Variants in GABRG3 observed in about 807,000 individuals in gnomAD.
The protein encoded by GABRG3 is gamma-aminobutyric acid receptor subunit gamma-3.
GABRG3 carries 25 observed loss-of-function variants against 48.8 expected under a neutral mutation model. That is an observed-to-expected ratio of 0.51 (90% CI 0.37 to 0.72). GABRG3 has a LOEUF of 0.72. Among genes scored for constraint, GABRG3 ranks in the 30% least tolerant of loss-of-function variants. The pLI is 0.00. For missense variants in GABRG3, 394 were observed against 577.9 expected, an observed-to-expected ratio of 0.68 and a Z score of 3.26; for synonymous variants, 227 against 217.6, an observed-to-expected ratio of 1.04 and a Z score of -0.38.
chr15:27,007,589 G>T (rs1895610436), intron 2 of GABRG3, among the ~76,000 whole-genome samples: 1 of 151,952 alleles, frequency 6.6e-6, no homozygotes, highest in East Asian at 1.9e-4. Flanking sequence ...TTATTTTTTG[G>T]CTTCCTAATA....
chr15:27,210,691 G>C (rs1432797646), intron 3 of GABRG3, among the ~76,000 whole-genome samples: 1 of 152,192 alleles, frequency 6.6e-6, no homozygotes, highest in East Asian at 1.9e-4. Flanking sequence ...TGCCATTTTG[G>C]AAGTCAAGTG....
intron 5 of GABRG3, among the ~76,000 whole-genome samples, chr15:27,351,378 GGTGT>G (rs967693878): frequency 2.0e-5 from 3 of 146,940 alleles, no homozygotes; most frequent in African/African-American, 7.6e-5. Flanking sequence ...GTGTGTGTAT[GGTGT>G]GTGTGTATGG....
At chr15:27,145,425 C>A (rs1469766460) in intron 3 of GABRG3, among the ~76,000 whole-genome samples, 1 of 151,960 alleles carries the variant, frequency 6.6e-6, no homozygotes, top group Non-Finnish European at 1.5e-5. Context: ...ACTAAAGGTA[C>A]TCAACAGCAG....
chr15:27,523,538 A>G (rs1294655752), intron 7 of GABRG3, among the ~76,000 whole-genome samples: 1 of 151,910 alleles, frequency 6.6e-6, no homozygotes, highest in Non-Finnish European at 1.5e-5. Flanking sequence ...GCCAAAATCA[A>G]GATGACACAG....
chr15:27,137,857 T>A (rs941224566), intron 3 of GABRG3, among the ~76,000 whole-genome samples: 1 of 152,184 alleles, frequency 6.6e-6, no homozygotes, highest in African/African-American at 2.4e-5. Context: ...TTACTTTTAT[T>A]TTTGTTTAAG....
chr15:27,246,133 C>T (rs917550763), intron 3 of GABRG3, among the ~76,000 whole-genome samples: 2 of 152,166 alleles, frequency 1.3e-5, no homozygotes, highest in East Asian at 3.9e-4. Context: ...GCCTCGTCTC[C>T]AACACTGCGG....
intron 5 of GABRG3, among the ~76,000 whole-genome samples, chr15:27,475,722 G>A (rs1300429336): frequency 6.6e-6 from 1 of 152,042 alleles, no homozygotes; most frequent in Non-Finnish European, 1.5e-5. Context: ...AATGGTAGTG[G>A]TGATGGTGAT....
At chr15:27,171,005 C>T (rs1169804235) in intron 3 of GABRG3, among the ~76,000 whole-genome samples, 1 of 152,184 alleles carries the variant, frequency 6.6e-6, no homozygotes, top group Non-Finnish European at 1.5e-5. Flanking sequence ...TCTTAGCTGA[C>T]TCAGACGATT....
chr15:27,242,367 CA>C (rs1890152777), intron 3 of GABRG3, among the ~76,000 whole-genome samples: 2 of 152,120 alleles, frequency 1.3e-5, no homozygotes, highest in Admixed American at 1.3e-4. Flanking sequence ...GCTCTGGGCA[CA>C]GAATAGTTAT....
At position 27,400,281 on chromosome 15, in the gene GABRG3, T is replaced by A. The variant is rs180995473; in HGVS notation, c.574+71393T>A. Among the ~76,000 whole-genome samples the A allele has an allele frequency of 9.0e-3, 1,370 of 152,320 alleles. 16 individuals are homozygous for A. Among genetic ancestry groups the A allele is most frequent in the African/African-American group, 0.031 (1,285 of 41,566 alleles). On this transcript the variant is annotated intron_variant, in intron 5 of 9. Transcript: ENST00000615808. ...TCTTAAACTATGTTGTGAGAATAAA[T>A]AAGTTTATTTGAGAGTTTTACAATT...
chr15:27,113,656 C>G (rs1195922640), intron 3 of GABRG3, among the ~76,000 whole-genome samples: 1 of 151,446 alleles, frequency 6.6e-6, no homozygotes, highest in Non-Finnish European at 1.5e-5. Context: ...CCCAAGGACC[C>G]CAGCTTCCTG....
chr15:27,221,766 C>G (rs1478200165), intron 3 of GABRG3, among the ~76,000 whole-genome samples: 1 of 152,146 alleles, frequency 6.6e-6, no homozygotes, highest in Non-Finnish European at 1.5e-5. Flanking sequence ...TTTCATAAAA[C>G]ATTTCTTTCC....
In GABRG3 at chr15:27,532,659, C is replaced by T. The variant is rs1054566927; in HGVS notation, c.1182C>T (p.Ser394=). 28 of 1,613,944 alleles carry T rather than the reference C, an allele frequency of 1.7e-5. No individual in the cohort carries two copies. The highest frequency in any genetic ancestry group is 5.0e-5 in the Admixed American group (3 of 60,008). The change falls in exon 10 of 10, where the codon TCC becomes TCT. Residue 394 remains serine, a synonymous_variant. Transcript: ENST00000615808. ...PPTAMITLNN[S]VYWQEFEDTC... ...CTGCGATGATCACTTTAAACAATTC[C>T]GTTTACTGGCAGGAATTTGAAGATA...
intron 3 of GABRG3, among the ~76,000 whole-genome samples, chr15:27,100,217 C>CAAAAAAAAAAAAAAAAAAAAAAAAA (rs36148252): frequency 7.6e-6 from 1 of 130,888 alleles, no homozygotes. Context: ...GACCCTGTCT[C>CAAAAAAAAAAAAAAAAAAAAAAAAA]AAAAAAAAAA....
chr15:27,373,501 G>A (rs1057205269), intron 5 of GABRG3, among the ~76,000 whole-genome samples: 2 of 152,120 alleles, frequency 1.3e-5, no homozygotes, highest in African/African-American at 4.8e-5. Flanking sequence ...TCTCTGCTAG[G>A]CAAAAATTTA....
intron 5 of GABRG3, among the ~76,000 whole-genome samples, chr15:27,381,068 G>A (rs1412275236): frequency 6.6e-6 from 1 of 152,052 alleles, no homozygotes; most frequent in East Asian, 1.9e-4. Flanking sequence ...CCTGGCCTCT[G>A]TGGTCTTACT....
chr15:27,408,087 C>A (rs996384142), intron 5 of GABRG3, among the ~76,000 whole-genome samples: 7 of 152,108 alleles, frequency 4.6e-5, no homozygotes, highest in African/African-American at 1.7e-4. Flanking sequence ...CTCAATTTTA[C>A]TGTGACCCGA....
intron 3 of GABRG3, among the ~76,000 whole-genome samples, chr15:27,127,165 A>G (rs1897835070): frequency 6.6e-6 from 1 of 152,162 alleles, no homozygotes; most frequent in African/African-American, 2.4e-5. Context: ...CAGTTTTCCT[A>G]GCAGCATTGT....
intron 3 of GABRG3, among the ~76,000 whole-genome samples, chr15:27,217,812 G>A (rs1889312939): frequency 6.6e-6 from 1 of 152,188 alleles, no homozygotes; most frequent in African/African-American, 2.4e-5. Flanking sequence ...TCACGTGTGG[G>A]CACACCCTGA....
Sources: gnomAD v4.1 joint callset for allele counts (sites outside exome capture counted in the v4.1 genomes callset) on GRCh38, gnomAD v4.1.1 for gene constraint, MANE v1.5 for transcripts, NCBI Gene and HGNC (gene_info 2026-07-23, HGNC 2026-07-21) for gene names.